Variants in PCDHGA8 observed in about 807,000 individuals in gnomAD.
The protein encoded by PCDHGA8 is protocadherin gamma-A8.
In PCDHGA8, 45 loss-of-function variants were observed where a neutral mutation model predicts 59.2. That is an observed-to-expected ratio of 0.76 (90% CI 0.60 to 0.98). The LOEUF (loss-of-function observed/expected upper bound fraction) is 0.98, where lower values mean the gene tolerates loss of function less well. Ranked by LOEUF, PCDHGA8 falls within the 50% of genes least tolerant of loss-of-function variation. The pLI is 0.00. For missense variants in PCDHGA8, 1,257 were observed against 1,196.2 expected, an observed-to-expected ratio of 1.05 and a Z score of -0.75; for synonymous variants, 531 against 519.0, an observed-to-expected ratio of 1.02 and a Z score of -0.32.
chr5:141,422,594 C>G, intron 1 of PCDHGA8: 1 of 1,614,090 alleles, frequency 6.2e-7, no homozygotes, highest in Non-Finnish European at 8.5e-7. Flanking sequence ...TTTCCTCACT[C>G]CTCTTACTCT....
Position 141,477,447 on chromosome 5 carries a change from G to T in PCDHGA8, c.2425-17360G>T, listed in dbSNP as rs779097830. The T allele has an allele frequency of 6.2e-7, 1 of 1,614,098 alleles. No homozygotes were observed. Among genetic ancestry groups the T allele is most frequent in the Non-Finnish European group, 8.5e-7 (1 of 1,180,016 alleles). ...TCCCTCTCAGCCCTTACAATAGTGCGTGTTCAAGTGTCCGACATCAATGAC... is the reference window on the plus strand; with the variant it reads ...TCCCTCTCAGCCCTTACAATAGTGCTTGTTCAAGTGTCCGACATCAATGAC... On this transcript the variant is annotated intron_variant, in intron 1 of 3. Coordinates refer to ENST00000398604, the MANE Select transcript of PCDHGA8 (RefSeq NM_032088.2). This position sits in a 1 kb window ranked among gnomAD's most constrained non-coding sequence, Gnocchi z 4.9.
intron 1 of PCDHGA8, chr5:141,427,535 C>T (rs746067304): frequency 8.0e-6 from 5 of 626,498 alleles, no homozygotes; most frequent in South Asian, 7.6e-5. Flanking sequence ...CGGAGTACAA[C>T]GTCACCATCA....
chr5:141,489,284 T>A lies in PCDHGA8; in HGVS notation c.2425-5523T>A. On this transcript the variant is annotated intron_variant, in intron 1 of 3. Transcript: ENST00000398604. This position sits in a 1 kb window ranked among gnomAD's most constrained non-coding sequence, Gnocchi z 4.5. ...CCACAGCTCGCTGGGAAATGGCAAG[T>A]GCTGTGCATGTTGTCCTTGTGCTGC... The A allele has an allele frequency of 6.4e-7, 1 of 1,570,016 alleles. No homozygotes were observed. The highest frequency in any genetic ancestry group is 2.2e-5 in the East Asian group (1 of 44,588).
intron 1 of PCDHGA8, 48 bp downstream of exon 1, chr5:141,395,285 T>A: frequency 6.5e-7 from 1 of 1,535,168 alleles, no homozygotes; most frequent in Non-Finnish European, 8.8e-7. Context: ...GAATTTTATT[T>A]GGCATAAATT....
At chr5:141,403,054 A>C in intron 1 of PCDHGA8, 1 of 1,614,062 alleles carries the variant, frequency 6.2e-7, no homozygotes, top group Middle Eastern at 1.6e-4. Flanking sequence ...TTCGCTACTC[A>C]GTGCCTGAAG....
At position 141,511,148 on chromosome 5, in the gene PCDHGA8, A is replaced by C; in HGVS notation, c.2774A>C (p.Lys925Thr). Residue 925 changes from lysine to threonine, a missense_variant, in exon 4 of 4, where the codon AAG (lysine) becomes ACG (threonine). Coordinates refer to ENST00000398604, the MANE Select transcript of PCDHGA8 (RefSeq NM_032088.2). ...APAGGNGNKKKSGKKEKK is the reference protein window; with the variant it reads ...APAGGNGNKKTSGKKEKK ...GCAGGTGGCAATGGCAACAAGAAGA[A>C]GTCGGGCAAGAAGGAGAAGAAGTAA... is the stretch of plus-strand genomic sequence containing the variant. The C allele has an allele frequency of 6.2e-7, 1 of 1,614,202 alleles. No individual in the cohort carries two copies. Among genetic ancestry groups the C allele is most frequent in the East Asian group, 2.2e-5 (1 of 44,882 alleles).
intron 1 of PCDHGA8, among the ~76,000 whole-genome samples, chr5:141,447,535 G>T (rs1366016262): frequency 3.3e-5 from 5 of 152,162 alleles, no homozygotes; most frequent in Admixed American, 6.5e-5. Flanking sequence ...AAATTGTTGG[G>T]TTTTAATGTT....
At chr5:141,505,348 G>A (rs1414647950) in intron 2 of PCDHGA8, 45 bp from the exon 3 acceptor site, 1 of 1,613,358 alleles carries the variant, frequency 6.2e-7, no homozygotes, top group Admixed American at 1.7e-5. Context: ...GGCATGAGCT[G>A]TGCCGGCCTG....
intron 1 of PCDHGA8, chr5:141,417,501 A>T: frequency 4.4e-6 from 1 of 227,168 alleles, no homozygotes. Flanking sequence ...GAGGAAAAAG[A>T]TTAAAATATT....
chr5:141,460,833 T>G (rs541553903), intron 1 of PCDHGA8, among the ~76,000 whole-genome samples: 2 of 151,928 alleles, frequency 1.3e-5, no homozygotes, highest in African/African-American at 4.8e-5. Flanking sequence ...ACACTTAAAG[T>G]AATGGCCTCC....
Position 141,491,611 on chromosome 5 carries a change from A to G in PCDHGA8, c.2425-3196A>G. The G allele has an allele frequency of 6.2e-7, 1 of 1,613,866 alleles. No individual in the cohort carries two copies. The highest frequency in any genetic ancestry group is 8.5e-7 in the Non-Finnish European group (1 of 1,180,018). Reference sequence around the variant, plus strand: ...GGACGGCAGTGACTTCACTTTTCTAAGACCCCTCAGCGTTCAGCAGCCCAC... The same window carrying G: ...GGACGGCAGTGACTTCACTTTTCTAGGACCCCTCAGCGTTCAGCAGCCCAC... On this transcript the variant is annotated intron_variant, in intron 1 of 3. Transcript: ENST00000398604. This position sits in a 1 kb window ranked among gnomAD's most constrained non-coding sequence, Gnocchi z 6.9.
intron 1 of PCDHGA8, chr5:141,409,913 G>C (rs769370742): frequency 1.9e-6 from 3 of 1,613,334 alleles, no homozygotes; most frequent in East Asian, 2.2e-5. Flanking sequence ...GGGTCCTGAC[G>C]GCTCCGCGTT....
chr5:141,404,835 C>T, intron 1 of PCDHGA8: 1 of 1,613,920 alleles, frequency 6.2e-7, no homozygotes, highest in Non-Finnish European at 8.5e-7. Context: ...GAAGTGCGCA[C>T]AGCTCGGGCC....
At chr5:141,428,055 G>T in intron 1 of PCDHGA8, 1 of 1,609,070 alleles carries the variant, frequency 6.2e-7, no homozygotes, top group Non-Finnish European at 8.5e-7. Context: ...CAAGGTGGTG[G>T]CGGTGGACGC....
At chr5:141,483,222 C>A (rs1011389295) in intron 1 of PCDHGA8, among the ~76,000 whole-genome samples, 4 of 152,078 alleles carry the variant, frequency 2.6e-5, no homozygotes, top group African/African-American at 9.7e-5. Context: ...ACAGTCACTG[C>A]AGAAATTTGA....
chr5:141,427,892 C>G (rs752723370), intron 1 of PCDHGA8: 2 of 1,567,044 alleles, frequency 1.3e-6, no homozygotes, highest in African/African-American at 2.7e-5. Context: ...ACGACCAGGG[C>G]TCGCCCGCGC....
At chr5:141,399,796 C>T (rs62621781) in intron 1 of PCDHGA8, 21,149 of 1,613,212 alleles carry the variant, frequency 0.013, 194 homozygotes, top group Non-Finnish European at 0.015. Context: ...CAACGCACCG[C>T]GGGTGCTGTA....
chr5:141,399,590 T>G, intron 1 of PCDHGA8: 1 of 1,613,972 alleles, frequency 6.2e-7, no homozygotes, highest in East Asian at 2.2e-5. Context: ...TACTCTATCA[T>G]GGCCAGCGAC....
At chr5:141,419,803 T>C (rs2096436352) in intron 1 of PCDHGA8, 3 of 1,614,026 alleles carry the variant, frequency 1.9e-6, no homozygotes, top group Non-Finnish European at 2.5e-6. Context: ...CTGTAAGAGA[T>C]GGAGGACAGC....
Sources: allele counts gnomAD v4.1 joint callset (sites outside exome capture counted in the v4.1 genomes callset), GRCh38; gene constraint gnomAD v4.1.1; non-coding constraint Gnocchi (gnomAD v3.1); transcripts MANE v1.5; gene names NCBI Gene and HGNC (gene_info 2026-07-23, HGNC 2026-07-21).